GPLD1: variants seen among roughly 807,000 people sequenced by gnomAD.
GPLD1 encodes glycosylphosphatidylinositol specific phospholipase D1.
GPLD1 carries 84 observed loss-of-function variants against 112.6 expected under a neutral mutation model. The observed-to-expected ratio is 0.75, with a 90% CI of 0.63 to 0.89. The LOEUF (loss-of-function observed/expected upper bound fraction) is 0.89, where lower values mean the gene tolerates loss of function less well. Ranked by LOEUF, GPLD1 falls within the 40% of genes least tolerant of loss-of-function variation. The pLI is 0.00. For missense variants in GPLD1, 1,044 were observed against 1,051.5 expected (o/e 0.99, Z 0.10); for synonymous variants, 386 against 403.8 (o/e 0.96, Z 0.53).
At chr6:24,467,801 A>C (rs991922077) in intron 7 of GPLD1, among the ~76,000 whole-genome samples, 2 of 152,292 alleles carry the variant, frequency 1.3e-5, no homozygotes, top group African/African-American at 4.8e-5. Context: ...TCAGAACCCC[A>C]AAATCACTAA....
In GPLD1 at chr6:24,428,978, G is replaced by A. The variant is rs1044376035; in HGVS notation, c.*54C>T. 3.2e-6 allele frequency: 4 copies of A among 1,240,440 alleles called. No individual in the cohort carries two copies. Among genetic ancestry groups the A allele is most frequent in the African/African-American group, 3.0e-5 (2 of 67,712 alleles). The allele number at this position is 1,240,440 out of a possible 1,614,324, so 76.8% of individuals were successfully genotyped here. A position where few individuals can be genotyped will look rare whatever the true frequency, so the allele number is the denominator to read the frequency against. On this transcript the variant is annotated 3_prime_UTR_variant, in exon 25 of 25. Transcript: ENST00000230036. ...CTTTGTCCATCAAAATGCTCACCAT[G>A]GATGTGATTCAGCATGAGAGAGGTG...
At chr6:24,495,076 G>T (rs749120771) in exon 1 of GPLD1, 1 of 1,322,096 alleles carries the variant, frequency 7.6e-7, no homozygotes, top group Non-Finnish European at 9.6e-7. Context: ...CTCCGCCCCC[G>T]CGCCGGCGGC....
At chr6:24,443,204 CTG>C (rs376980700) in intron 20 of GPLD1, among the ~76,000 whole-genome samples, 206 of 152,234 alleles carry the variant, frequency 1.4e-3, no homozygotes, top group African/African-American at 4.7e-3. Context: ...GCAAAAGAAA[CTG>C]TTTTAAAGGA....
At position 24,486,564 on chromosome 6, in the gene GPLD1, C is replaced by G. The variant is rs577679675; in HGVS notation, c.98-434G>C. Reference sequence around the variant, plus strand: ...ACACATGGTGGCTCACACCTGTAATCCAAGAACTTTGGGAGGCCGAGGAGG... The same window carrying G: ...ACACATGGTGGCTCACACCTGTAATGCAAGAACTTTGGGAGGCCGAGGAGG... On this transcript the variant is annotated intron_variant, in intron 1 of 24. Coordinates refer to ENST00000230036, the MANE Select transcript of GPLD1 (RefSeq NM_001503.4). Among the ~76,000 whole-genome samples, 4 of 152,298 alleles carry G rather than the reference C, an allele frequency of 2.6e-5. No homozygotes were observed. In the South Asian group the frequency reaches 8.3e-4, roughly 32 times the overall value.
intron 15 of GPLD1, among the ~76,000 whole-genome samples, chr6:24,449,552 T>C (rs949637178): frequency 1.3e-5 from 2 of 152,080 alleles, no homozygotes; most frequent in Non-Finnish European, 2.9e-5. Flanking sequence ...AAGTACCTGG[T>C]GGAATTGGGA....
intron 11 of GPLD1, among the ~76,000 whole-genome samples, chr6:24,462,320 T>C (rs925128284): frequency 2.0e-5 from 3 of 151,892 alleles, no homozygotes; most frequent in Non-Finnish European, 4.4e-5. Flanking sequence ...TTTTTGTAGA[T>C]ATAGGGGTCT....
At chr6:24,495,020 G>A (rs1427888209) in exon 1 of GPLD1, 1 of 1,336,448 alleles carries the variant, frequency 7.5e-7, no homozygotes. Context: ...TTTGGCTGCG[G>A]AGCTGTGGGG....
rs764579328 is a variant in GPLD1, at chr6:24,445,610, G to T, written c.1956C>A (p.Ser652=). ...KAMGKLGTSL[S]SGHVLMNGTL... ...TCCCATTCATCAGTACGTGGCCACT[G>T]GAAAGGGAAGTACCCAGTTTCCCCA... The change falls in exon 20 of 25, where the codon TCC becomes TCA. Residue 652 remains serine, a synonymous_variant. Coordinates refer to ENST00000230036, the MANE Select transcript of GPLD1 (RefSeq NM_001503.4). 6.2e-7 allele frequency: 1 copy of T among 1,613,772 alleles called. No individual in the cohort carries two copies. Among genetic ancestry groups the T allele is most frequent in the Non-Finnish European group, 8.5e-7 (1 of 1,179,746 alleles).
At chr6:24,457,486 C>G (rs1763304703) in intron 12 of GPLD1, among the ~76,000 whole-genome samples, 1 of 151,980 alleles carries the variant, frequency 6.6e-6, no homozygotes, top group Non-Finnish European at 1.5e-5. Flanking sequence ...GTCTCAACAA[C>G]AAGAAAAAGA....
At chr6:24,433,041 T>G in intron 24 of GPLD1, 146 bp downstream of exon 24, 50 of 709,000 alleles carry the variant, frequency 7.1e-5, no homozygotes, top group Non-Finnish European at 9.3e-5. Flanking sequence ...AAGGAAGTGA[T>G]GAGATTATAT....
chr6:24,433,067 T>C, intron 24 of GPLD1, 120 bp downstream of exon 24: 2 of 782,164 alleles, frequency 2.6e-6, no homozygotes, highest in Non-Finnish European at 4.7e-6. Flanking sequence ...TGTTACTTTC[T>C]GTGTGTTCCT....
intron 2 of GPLD1, among the ~76,000 whole-genome samples, chr6:24,485,826 C>T (rs1186151263): frequency 6.6e-6 from 1 of 152,024 alleles, no homozygotes; most frequent in Non-Finnish European, 1.5e-5. Flanking sequence ...TGCACCACCA[C>T]GCCCGGCTAA....
intron 4 of GPLD1, among the ~76,000 whole-genome samples, chr6:24,475,950 C>A (rs765721982): frequency 6.6e-6 from 1 of 152,246 alleles, no homozygotes; most frequent in East Asian, 1.9e-4. Context: ...GAAGTGCTTT[C>A]AGATTAATTA....
At chr6:24,492,338 C>T (rs183015292), upstream of GPLD1, among the ~76,000 whole-genome samples, 31 of 151,884 alleles carry the variant, frequency 2.0e-4, no homozygotes, top group Middle Eastern at 6.8e-3. Flanking sequence ...AACCCCATCT[C>T]TACTAAACAA....
intron 12 of GPLD1, 38 bp downstream of exon 12, chr6:24,460,241 G>A: frequency 6.2e-7 from 1 of 1,610,114 alleles, no homozygotes. Context: ...TCAAGAAGCA[G>A]CATTCCTCTT....
At chr6:24,473,172 A>T (rs1763886229) in intron 6 of GPLD1, 1 of 152,312 alleles carries the variant, frequency 6.6e-6, no homozygotes, top group Admixed American at 6.6e-5. Context: ...CATATAACCA[A>T]AGGTGTTTTT....
Position 24,463,983 on chromosome 6 carries a change from C to T in GPLD1, c.822-1188G>A, listed in dbSNP as rs986982886. On this transcript the variant is annotated intron_variant, in intron 10 of 24. Coordinates refer to ENST00000230036, the MANE Select transcript of GPLD1 (RefSeq NM_001503.4). ...TTCTTTCTCAATTATCTTTTCCTAA[C>T]GAAAGAATAAGGTCCAGCTATCTTT... Among the ~76,000 whole-genome samples, 19 of 152,214 alleles carry T rather than the reference C, an allele frequency of 1.2e-4. 1 individual carries two copies. The highest frequency in any genetic ancestry group is 1.2e-4 in the Non-Finnish European group (8 of 68,014).
At chr6:24,467,399 A>G in intron 7 of GPLD1, 125 bp from the exon 8 acceptor site, 1 of 639,512 alleles carries the variant, frequency 1.6e-6, no homozygotes, top group Non-Finnish European at 2.8e-6. Flanking sequence ...AAGTCTTTAC[A>G]TGCACCAGTT....
chr6:24,438,333 T>C (rs1762643356), intron 20 of GPLD1, among the ~76,000 whole-genome samples: 1 of 152,208 alleles, frequency 6.6e-6, no homozygotes, highest in African/African-American at 2.4e-5. Context: ...ACTTTATTAT[T>C]TGGAACACAG....
Sources: gnomAD v4.1 joint callset for allele counts (sites outside exome capture counted in the v4.1 genomes callset) on GRCh38, gnomAD v4.1.1 for gene constraint, MANE v1.5 for transcripts, NCBI Gene and HGNC (gene_info 2026-07-23, HGNC 2026-07-21) for gene names.